LSAMP: variants seen among roughly 807,000 people sequenced by gnomAD.
The protein encoded by LSAMP is limbic system associated membrane protein, also known as limbic system-associated membrane protein.
A neutral mutation model predicts 38.6 loss-of-function variants in LSAMP; 7 were observed. The ratio of observed to expected loss-of-function variants is 0.18; its 90% CI spans 0.10 to 0.34. The LOEUF (loss-of-function observed/expected upper bound fraction) is 0.34, where lower values mean the gene tolerates loss of function less well. LSAMP is among the 10% of genes least tolerant of loss of function. The pLI, the probability that LSAMP is intolerant of heterozygous loss-of-function variation, is 1.00. For missense variants in LSAMP, 313 were observed against 420.0 expected, an observed-to-expected ratio of 0.75 and a Z score of 2.23; for synonymous variants, 154 against 166.8, an observed-to-expected ratio of 0.92 and a Z score of 0.59.
At chr3:116,228,437 C>A (rs191521711) in intron 1 of LSAMP, among the ~76,000 whole-genome samples, 88 of 152,036 alleles carry the variant, frequency 5.8e-4, no homozygotes, top group Middle Eastern at 3.4e-3. Context: ...TCATGTCAAC[C>A]TTAGACAAAA....
chr3:116,370,311 G>T (rs571190413), intron 1 of LSAMP, among the ~76,000 whole-genome samples: 75 of 152,284 alleles, frequency 4.9e-4, no homozygotes, highest in African/African-American at 1.7e-3. Flanking sequence ...GTAAAGCTAA[G>T]AGAAGAATGG....
intron 1 of LSAMP, among the ~76,000 whole-genome samples, chr3:116,150,468 A>G (rs1709585407): frequency 6.6e-6 from 1 of 152,066 alleles, no homozygotes; most frequent in Admixed American, 6.6e-5. Context: ...TGGCATTTTT[A>G]TAATAAATGT....
At chr3:116,355,178 T>C (rs968739516) in intron 1 of LSAMP, among the ~76,000 whole-genome samples, 2 of 152,144 alleles carry the variant, frequency 1.3e-5, no homozygotes, top group Non-Finnish European at 2.9e-5. Flanking sequence ...TTGAGTAATA[T>C]CTGCAGTAAG....
chr3:115,912,140 C>A (rs1270104655), intron 3 of LSAMP, among the ~76,000 whole-genome samples: 1 of 152,132 alleles, frequency 6.6e-6, no homozygotes, highest in African/African-American at 2.4e-5. Context: ...TTTTGCAAAG[C>A]AGAAGTTTTT....
At chr3:116,360,415 G>A (rs1168018118) in intron 1 of LSAMP, among the ~76,000 whole-genome samples, 1 of 11,690 alleles carries the variant, frequency 8.6e-5, no homozygotes, top group Non-Finnish European at 1.6e-4. Flanking sequence ...ACTGCAAGGC[G>A]GCAACGAGGC....
chr3:116,248,950 A>C (rs2046639124), intron 1 of LSAMP, among the ~76,000 whole-genome samples: 2 of 152,074 alleles, frequency 1.3e-5, no homozygotes, highest in South Asian at 4.1e-4. Flanking sequence ...GATCGAGACC[A>C]TCCTGGCTAA....
intron 1 of LSAMP, among the ~76,000 whole-genome samples, chr3:116,377,117 G>C (rs929789679): frequency 6.6e-6 from 1 of 151,900 alleles, no homozygotes; most frequent in Admixed American, 6.6e-5. Flanking sequence ...AGGATGTGCA[G>C]GTTTGTTACA....
intron 3 of LSAMP, among the ~76,000 whole-genome samples, chr3:115,923,580 C>T (rs73149047): frequency 0.02 from 3,073 of 152,250 alleles, 45 homozygotes; most frequent in Non-Finnish European, 0.031. Flanking sequence ...ATGTGAGATG[C>T]TTAACATATT....
intron 1 of LSAMP, among the ~76,000 whole-genome samples, chr3:116,410,158 T>C (rs1424994822): frequency 6.6e-6 from 1 of 152,096 alleles, no homozygotes; most frequent in East Asian, 1.9e-4. Context: ...TAAATCTCTA[T>C]ATAGCACCTC....
intron 2 of LSAMP, among the ~76,000 whole-genome samples, chr3:116,048,910 C>T (rs1559722084): frequency 6.6e-6 from 1 of 152,064 alleles, no homozygotes; most frequent in East Asian, 1.9e-4. Flanking sequence ...GTAAAGAAGA[C>T]ATGCAATTAA....
At chr3:116,153,905 G>A (rs1339185520) in intron 1 of LSAMP, among the ~76,000 whole-genome samples, 2 of 151,876 alleles carry the variant, frequency 1.3e-5, no homozygotes, top group Non-Finnish European at 2.9e-5. Flanking sequence ...TGGTTTTAGG[G>A]CATCAAAACC....
At chr3:116,098,155 G>A (rs1052441548) in intron 1 of LSAMP, among the ~76,000 whole-genome samples, 2 of 152,122 alleles carry the variant, frequency 1.3e-5, no homozygotes, top group East Asian at 3.9e-4. Flanking sequence ...AAATGTAGTG[G>A]TCTCCTCTCC....
intron 1 of LSAMP, among the ~76,000 whole-genome samples, chr3:116,255,863 C>T (rs1263802280): frequency 6.6e-6 from 1 of 152,146 alleles, no homozygotes. Context: ...GAGGCAAAAA[C>T]CACACTTTAG....
At position 115,808,617 on chromosome 3, in the gene LSAMP, A is replaced by G. The variant is rs1390982423; in HGVS notation, c.*1700T>C. ...TTATAGATGTAAATTTAAATAGAGC[A>G]GGGAAGATGAATATCATGCAATTCT... On this transcript the variant is annotated 3_prime_UTR_variant, in exon 7 of 7. Transcript: ENST00000490035. 6.6e-6 allele frequency: 1 copy of G among 152,262 alleles called. No homozygotes were observed. The highest frequency in any genetic ancestry group is 2.4e-5 in the African/African-American group (1 of 41,470). 9.4% of individuals were successfully genotyped at this position (152,262 alleles called of 1,614,324 possible).
intron 1 of LSAMP, among the ~76,000 whole-genome samples, chr3:116,276,676 A>T (rs1471562870): frequency 1.5e-5 from 2 of 134,724 alleles, no homozygotes; most frequent in Non-Finnish European, 3.1e-5. Flanking sequence ...TGGAAAAATA[A>T]AAAAAAAGAA....
At chr3:116,105,426 C>T (rs1028426130) in intron 1 of LSAMP, among the ~76,000 whole-genome samples, 2 of 152,132 alleles carry the variant, frequency 1.3e-5, no homozygotes, top group African/African-American at 2.4e-5. Flanking sequence ...TTTATTTCAC[C>T]TGGGTGCAGG....
intron 1 of LSAMP, among the ~76,000 whole-genome samples, chr3:116,340,613 T>C (rs1338711630): frequency 6.6e-6 from 1 of 152,034 alleles, no homozygotes; most frequent in East Asian, 1.9e-4. Context: ...TCTCCAGACA[T>C]GCATATAATA....
chr3:116,299,345 A>G lies in LSAMP; in HGVS notation c.155+145532T>C, dbSNP rs1254944036. On this transcript the variant is annotated intron_variant, in intron 1 of 6. Transcript: ENST00000490035. ...CTGGAAACAGGATTGATGGAGAGTAAATTCTTAGCAAATATTACGAAAACA... is the reference window on the plus strand; with the variant it reads ...CTGGAAACAGGATTGATGGAGAGTAGATTCTTAGCAAATATTACGAAAACA... Among the ~76,000 whole-genome samples, 17 of 152,328 alleles carry G rather than the reference A, an allele frequency of 1.1e-4. No individual in the cohort carries two copies. The East Asian group carries it at 3.1e-3, about 28-fold the overall frequency.
chr3:116,239,188 A>G (rs574238921), intron 1 of LSAMP, among the ~76,000 whole-genome samples: 1 of 152,256 alleles, frequency 6.6e-6, no homozygotes, highest in East Asian at 1.9e-4. Flanking sequence ...AAATGTATAG[A>G]GTCTCACATG....
Sources: allele counts gnomAD v4.1 joint callset (sites outside exome capture counted in the v4.1 genomes callset), GRCh38; gene constraint gnomAD v4.1.1; transcripts MANE v1.5; gene names NCBI Gene and HGNC (gene_info 2026-07-23, HGNC 2026-07-21).